RBPMS2: variants seen among roughly 807,000 people sequenced by gnomAD.
RBPMS2 encodes RNA-binding protein with multiple splicing 2.
A neutral mutation model predicts 25.7 loss-of-function variants in RBPMS2; 14 were observed. The ratio of observed to expected loss-of-function variants is 0.55; its 90% CI spans 0.36 to 0.85. RBPMS2 has a LOEUF of 0.85. Ranked by LOEUF, RBPMS2 falls within the 40% of genes least tolerant of loss-of-function variation. The pLI is 0.01. For synonymous variants in RBPMS2, 127 were observed against 115.6 expected, an observed-to-expected ratio of 1.10 and a Z score of -0.63; for missense variants, 252 against 283.4, an observed-to-expected ratio of 0.89 and a Z score of 0.80.
intron 1 of RBPMS2, 69 bp from the exon 2 acceptor site, chr15:64,751,707 T>A: frequency 7.7e-7 from 1 of 1,303,698 alleles, no homozygotes; most frequent in South Asian, 1.2e-5. Flanking sequence ...AGCGCTTCCT[T>A]CAGGCAGGCA....
intron 1 of RBPMS2, among the ~76,000 whole-genome samples, chr15:64,767,124 G>A (rs1461638842): frequency 6.6e-6 from 1 of 151,590 alleles, no homozygotes; most frequent in Non-Finnish European, 1.5e-5. Flanking sequence ...TTGAGACAGG[G>A]GCTCTCACTC....
intron 1 of RBPMS2, chr15:64,762,599 C>T: frequency 2.1e-6 from 1 of 480,914 alleles, no homozygotes; most frequent in South Asian, 1.5e-5. Context: ...GACGAGATTC[C>T]AAACAAAAGA....
At chr15:64,751,827 T>C (rs757607624) in intron 1 of RBPMS2, among the ~76,000 whole-genome samples, 189 bp from the exon 2 acceptor site, 4 of 152,142 alleles carry the variant, frequency 2.6e-5, no homozygotes, top group Non-Finnish European at 5.9e-5. Context: ...AGCCCTTTCC[T>C]TTCTCTGGGT....
At chr15:64,775,075 GACA>G (rs2083920521) in intron 1 of RBPMS2, among the ~76,000 whole-genome samples, 155 bp downstream of exon 1, 1 of 150,796 alleles carries the variant, frequency 6.6e-6, no homozygotes, top group Non-Finnish European at 1.5e-5. Context: ...CCCGCCCGCG[GACA>G]CGGGCCGCTC....
At chr15:64,743,696 G>C (rs28701484) in intron 6 of RBPMS2, among the ~76,000 whole-genome samples, 1 of 152,178 alleles carries the variant, frequency 6.6e-6, no homozygotes, top group Admixed American at 6.5e-5. Flanking sequence ...CAGGTTCCGA[G>C]AGGGCTGCTT....
Position 64,749,367 on chromosome 15 carries a change from C to A in RBPMS2, c.267+64G>T. ...CCAGGGATGGCCGGGAAATAAGATA[C>A]ATCTGCACACCCACTGCCTAAGAGG... On this transcript the variant is annotated intron_variant, in intron 4 of 7. Transcript: ENST00000300069. 1.3e-5 allele frequency: 19 copies of A among 1,457,774 alleles called. No individual in the cohort carries two copies. In the South Asian group the frequency reaches 2.1e-4, roughly 16 times the overall value. 90.3% of individuals were successfully genotyped at this position (1,457,774 alleles called of 1,614,324 possible). A position where few individuals can be genotyped will look rare whatever the true frequency, so the allele number is the denominator to read the frequency against.
At chr15:64,749,524 T>C in intron 3 of RBPMS2, 31 bp from the exon 4 acceptor site, 1 of 1,578,944 alleles carries the variant, frequency 6.3e-7, no homozygotes, top group Non-Finnish European at 8.6e-7. Context: ...CACCCTTATA[T>C]CTCTCCTAGC....
At chr15:64,760,040 C>G (rs1310738526) in intron 1 of RBPMS2, among the ~76,000 whole-genome samples, 2 of 152,218 alleles carry the variant, frequency 1.3e-5, no homozygotes, top group South Asian at 4.1e-4. Context: ...ATGGGCAGAC[C>G]TGGCATTCAA....
chr15:64,768,916 C>T (rs1312315020), intron 1 of RBPMS2, among the ~76,000 whole-genome samples: 2 of 150,868 alleles, frequency 1.3e-5, no homozygotes, highest in Non-Finnish European at 2.9e-5. Context: ...CTGGCTAACA[C>T]GATGAAACCC....
intron 3 of RBPMS2, 69 bp from the exon 4 acceptor site, chr15:64,749,562 C>G (rs1221108054): frequency 7.5e-7 from 1 of 1,332,150 alleles, no homozygotes; most frequent in East Asian, 2.3e-5. Context: ...AAAATAACAA[C>G]AAAAAAAGAG....
At chr15:64,747,335 C>T (rs375638539) in intron 6 of RBPMS2, among the ~76,000 whole-genome samples, 1 of 152,124 alleles carries the variant, frequency 6.6e-6, no homozygotes, top group Non-Finnish European at 1.5e-5. Flanking sequence ...GGCAGAGCAC[C>T]CGACTCCTCC....
chr15:64,747,309 G>A (rs971992986), intron 6 of RBPMS2, among the ~76,000 whole-genome samples: 1 of 152,118 alleles, frequency 6.6e-6, no homozygotes, highest in African/African-American at 2.4e-5. Context: ...GAAAATGGAC[G>A]TACACACAGC....
chr15:64,741,700 A>T (rs1191344123), intron 6 of RBPMS2, among the ~76,000 whole-genome samples: 3 of 152,240 alleles, frequency 2.0e-5, no homozygotes, highest in African/African-American at 7.2e-5. Context: ...GAAATGACGA[A>T]GTCATATGTG....
rs961702761 is a variant in RBPMS2 at position 64,771,512 on chromosome 15, G to A, written c.87+3721C>T. 4.6e-5 allele frequency among the ~76,000 whole-genome samples: 7 copies of A among 152,134 alleles called. No homozygotes were observed. In the East Asian group the frequency reaches 9.7e-4, roughly 21 times the overall value. On this transcript the variant is annotated intron_variant, in intron 1 of 7. Coordinates refer to ENST00000300069, the MANE Select transcript of RBPMS2 (RefSeq NM_194272.3). ...AGCCTGGCCAACATGGTGAAACCCC[G>A]TCTCTACTAAAAATACAAAAATTAG...
chr15:64,744,645 A>G (rs1445591745), intron 6 of RBPMS2, among the ~76,000 whole-genome samples: 2 of 151,876 alleles, frequency 1.3e-5, no homozygotes, highest in Non-Finnish European at 2.9e-5. Flanking sequence ...TATAGCTATC[A>G]GTAAGCAAAA....
rs908311930 is a variant in RBPMS2 at position 64,740,348 on chromosome 15, A to G, written c.*660T>C. 1 of 152,196 alleles carries G rather than the reference A, an allele frequency of 6.6e-6. No individual in the cohort carries two copies. Among genetic ancestry groups the G allele is most frequent in the African/African-American group, 2.4e-5 (1 of 41,398 alleles). The allele number at this position is 152,196 out of a possible 1,614,324, so 9.4% of individuals were successfully genotyped here. A position where few individuals can be genotyped will look rare whatever the true frequency, so the allele number is the denominator to read the frequency against. ...GGTGCGCTGTGGAGAGGTGAACAGA[A>G]CGGGCAGAGAGGGCTTTCTTACGAC... On this transcript the variant is annotated 3_prime_UTR_variant, in exon 8 of 8. Transcript: ENST00000300069.
chr15:64,775,253 C>T lies in RBPMS2; in HGVS notation c.67G>A (p.Gly23Ser). 2 of 1,326,224 alleles carry T rather than the reference C, an allele frequency of 1.5e-6. No individual in the cohort carries two copies. Among genetic ancestry groups the T allele is most frequent in the Non-Finnish European group, 1.9e-6 (2 of 1,034,012 alleles). 82.2% of individuals were successfully genotyped at this position (1,326,224 alleles called of 1,614,324 possible). The change falls in exon 1 of 8, where the codon GGC becomes AGC. Residue 23 changes from glycine to serine, a missense_variant. Coordinates refer to ENST00000300069, the MANE Select transcript of RBPMS2 (RefSeq NM_194272.3). ...STGTGSGAGS[G>S]GALEEEVRTL... ...CCCACCTCCTCCTCCAGGGCGCCGC[C>T]GGAGCCCGCGCCGGAGCCGGTGCCG...
chr15:64,772,622 A>G (rs1211460708), intron 1 of RBPMS2, among the ~76,000 whole-genome samples: 1 of 151,914 alleles, frequency 6.6e-6, no homozygotes, highest in Non-Finnish European at 1.5e-5. Context: ...ACACAAACCT[A>G]CCTCCTCACT....
At position 64,767,750 on chromosome 15, in the gene RBPMS2, AC is replaced by A. The variant is rs145300504; in HGVS notation, c.87+7482del. On this transcript the variant is annotated intron_variant, in intron 1 of 7. Transcript: ENST00000300069. ...TGCAGTGTGGCACGATCTCACTGCA[AC>A]CCCTGCCTCCCAGGTTTAAGTCATT... is the stretch of plus-strand genomic sequence containing the variant. Among the ~76,000 whole-genome samples the A allele has an allele frequency of 4.7e-3, 711 of 151,890 alleles. 6 individuals are homozygous for A. The highest frequency in any genetic ancestry group is 0.017 in the African/African-American group (687 of 41,390).
Sources: gnomAD v4.1 joint callset for allele counts (sites outside exome capture counted in the v4.1 genomes callset) on GRCh38, gnomAD v4.1.1 for gene constraint, MANE v1.5 for transcripts, NCBI Gene and HGNC (gene_info 2026-07-23, HGNC 2026-07-21) for gene names.